The following UBAC2 variants were observed in gnomAD, a reference collection of about 807,000 sequenced individuals.
UBAC2 encodes the protein ubiquitin-associated domain-containing protein 2.
In UBAC2, 26 loss-of-function variants were observed where a neutral mutation model predicts 44.0. That is an observed-to-expected ratio of 0.59 (90% CI 0.43 to 0.82). The LOEUF (loss-of-function observed/expected upper bound fraction) is 0.82, where lower values mean the gene tolerates loss of function less well. Among genes scored for constraint, UBAC2 ranks in the 40% least tolerant of loss-of-function variants. The pLI is 0.00. For missense variants in UBAC2, 329 were observed against 419.4 expected (o/e 0.78, Z 1.88); for synonymous variants, 155 against 154.3 (o/e 1.00, Z -0.04).
At chr13:99,279,731 G>A (rs142771606) in intron 4 of UBAC2, among the ~76,000 whole-genome samples, 2 of 152,334 alleles carry the variant, frequency 1.3e-5, no homozygotes, top group East Asian at 3.9e-4. Flanking sequence ...CAGATTTGGT[G>A]TTTGGGGCTG....
chr13:99,237,819 G>A (rs140839417), intron 1 of UBAC2, among the ~76,000 whole-genome samples: 1 of 152,258 alleles, frequency 6.6e-6, no homozygotes, highest in East Asian at 1.9e-4. Flanking sequence ...GCCAGGCATG[G>A]TGGCACGTGC....
intron 4 of UBAC2, among the ~76,000 whole-genome samples, chr13:99,287,720 A>G (rs540854811): frequency 7.4e-4 from 109 of 147,310 alleles, no homozygotes; most frequent in African/African-American, 2.5e-3. Context: ...CCTGGGCTCA[A>G]GTGAGCCTCC....
intron 4 of UBAC2, among the ~76,000 whole-genome samples, chr13:99,301,872 T>G (rs568408921): frequency 5.3e-5 from 8 of 152,258 alleles, no homozygotes; most frequent in Non-Finnish European, 8.8e-5. Context: ...TAACAGCTTT[T>G]GGTTTTTGCT....
intron 1 of UBAC2, among the ~76,000 whole-genome samples, chr13:99,213,643 A>G (rs531729904): frequency 2.0e-4 from 31 of 152,194 alleles, no homozygotes; most frequent in Non-Finnish European, 3.1e-4. Flanking sequence ...TACAGGCATT[A>G]GTCACTGCAC....
At chr13:99,252,290 G>T (rs1285173851) in intron 4 of UBAC2, among the ~76,000 whole-genome samples, 3 of 152,208 alleles carry the variant, frequency 2.0e-5, no homozygotes, top group Non-Finnish European at 4.4e-5. Context: ...CGTTGTCATG[G>T]TCTGTGCCTT....
intron 1 of UBAC2, among the ~76,000 whole-genome samples, chr13:99,231,845 A>G (rs1331589656): frequency 1.3e-5 from 2 of 152,222 alleles, no homozygotes; most frequent in African/African-American, 2.4e-5. Flanking sequence ...CATGAATGGA[A>G]TAACAGCTGC....
At chr13:99,213,039 A>G (rs562376424) in intron 1 of UBAC2, among the ~76,000 whole-genome samples, 1 of 152,252 alleles carries the variant, frequency 6.6e-6, no homozygotes, top group Non-Finnish European at 1.5e-5. Context: ...TCATTCTTTT[A>G]GACTTTTTCT....
chr13:99,326,010 G>A (rs2044637263), intron 6 of UBAC2, among the ~76,000 whole-genome samples: 1 of 152,148 alleles, frequency 6.6e-6, no homozygotes, highest in Non-Finnish European at 1.5e-5. Flanking sequence ...TGAGAGTGCC[G>A]AGACCTCTTT....
At chr13:99,307,199 T>C (rs1345050955) in intron 4 of UBAC2, 1 of 152,212 alleles carries the variant, frequency 6.6e-6, no homozygotes, top group African/African-American at 2.4e-5. Flanking sequence ...AAACTTACAT[T>C]ATTAATATAA....
At chr13:99,281,196 AC>A (rs2043949734) in intron 4 of UBAC2, among the ~76,000 whole-genome samples, 2 of 150,062 alleles carry the variant, frequency 1.3e-5, no homozygotes, top group African/African-American at 5.0e-5. Context: ...CTCAAAAAAA[AC>A]AAAACAAAAC....
chr13:99,352,159 A>G (rs2138859189), intron 7 of UBAC2, among the ~76,000 whole-genome samples: 1 of 152,280 alleles, frequency 6.6e-6, no homozygotes, highest in East Asian at 1.9e-4. Context: ...TAGTGTTTTA[A>G]AAGTATTTAC....
At chr13:99,323,306 A>G (rs1169818088) in intron 6 of UBAC2, among the ~76,000 whole-genome samples, 1 of 152,182 alleles carries the variant, frequency 6.6e-6, no homozygotes, top group Non-Finnish European at 1.5e-5. Context: ...AACTGCAAAG[A>G]AAAATCAAGG....
chr13:99,266,684 AAT>A (rs553514609), intron 4 of UBAC2, among the ~76,000 whole-genome samples: 6 of 151,220 alleles, frequency 4.0e-5, no homozygotes, highest in South Asian at 2.1e-4. Context: ...TGACATGTTA[AAT>A]ATATATATAT....
chr13:99,252,217 AT>A (rs1254909713), intron 4 of UBAC2, among the ~76,000 whole-genome samples: 1 of 152,188 alleles, frequency 6.6e-6, no homozygotes, highest in Admixed American at 6.5e-5. Context: ...GGCAGGATTA[AT>A]TGTCCTTATA....
intron 7 of UBAC2, among the ~76,000 whole-genome samples, chr13:99,359,430 A>G (rs1359329988): frequency 6.6e-6 from 1 of 152,232 alleles, no homozygotes; most frequent in Admixed American, 6.5e-5. Context: ...TCATTCAAGT[A>G]AAACGATCTA....
At chr13:99,283,472 A>G (rs2043978887) in intron 4 of UBAC2, among the ~76,000 whole-genome samples, 1 of 152,062 alleles carries the variant, frequency 6.6e-6, no homozygotes, top group Admixed American at 6.6e-5. Flanking sequence ...ATATTGAACA[A>G]TTTTGTACCG....
chr13:99,340,557 C>T lies in UBAC2; in HGVS notation c.799C>T (p.Gln267Ter), dbSNP rs2044870857. 1 of 1,612,936 alleles carries T rather than the reference C, an allele frequency of 6.2e-7. No individual in the cohort carries two copies. The highest frequency in any genetic ancestry group is 8.5e-7 in the Non-Finnish European group (1 of 1,179,226). The change falls in exon 7 of 9, where the codon CAG becomes TAG. Residue 267 changes from glutamine (Q) to a stop codon, truncating the protein, a stop_gained. Transcript: ENST00000403766. LOFTEE classifies it high-confidence loss of function. ...SQFAQGRRQR[Q>*]QQGGMINWNR... is the part of the protein sequence containing the mutation. ...GTTTGCACAAGGGAGGCGACAGAGA[C>T]AGCAGCAGGTAAAAGTGATAATAAT...
intron 1 of UBAC2, among the ~76,000 whole-genome samples, chr13:99,222,111 T>C (rs1174537686): frequency 6.6e-6 from 1 of 152,206 alleles, no homozygotes; most frequent in African/African-American, 2.4e-5. Context: ...ATTCTGGCTA[T>C]GGGGATATGG....
At chr13:99,273,459 T>C (rs560967129) in intron 4 of UBAC2, among the ~76,000 whole-genome samples, 111 of 152,232 alleles carry the variant, frequency 7.3e-4, no homozygotes, top group African/African-American at 2.6e-3. Context: ...CTCTCAGAAA[T>C]TAGCAGTATT....
Sources: gnomAD v4.1 joint callset for allele counts (sites outside exome capture counted in the v4.1 genomes callset) on GRCh38, gnomAD v4.1.1 for gene constraint, MANE v1.5 for transcripts, NCBI Gene and HGNC (gene_info 2026-07-23, HGNC 2026-07-21) for gene names.